Variants in TBXAS1 observed in about 807,000 individuals in gnomAD.
TBXAS1 encodes the protein thromboxane A synthase 1.
Under a neutral mutation model 60.7 loss-of-function variants are expected in TBXAS1, and 48 were observed. That is an observed-to-expected ratio of 0.79 (90% CI 0.63 to 1.01). TBXAS1 has a LOEUF of 1.01. Among genes scored for constraint, TBXAS1 ranks in the 50% least tolerant of loss-of-function variants. The pLI, the probability that TBXAS1 is intolerant of heterozygous loss-of-function variation, is 0.00. For missense variants in TBXAS1, 685 were observed against 686.3 expected (o/e 1.00, Z 0.02); for synonymous variants, 287 against 269.7 (o/e 1.06, Z -0.63).
chr7:139,870,351 T>C (rs1801728449), intron 1 of TBXAS1, among the ~76,000 whole-genome samples: 1 of 152,230 alleles, frequency 6.6e-6, no homozygotes, highest in Non-Finnish European at 1.5e-5. Context: ...AAGGTCTACA[T>C]CTTTTTTTCT....
intron 5 of TBXAS1, among the ~76,000 whole-genome samples, chr7:139,950,730 C>T (rs895898952): frequency 1.0e-3 from 130 of 129,908 alleles, no homozygotes; most frequent in Middle Eastern, 4.7e-3. Flanking sequence ...TCTACGGGAC[C>T]CCCTCGCCCT....
intron 1 of TBXAS1, among the ~76,000 whole-genome samples, chr7:139,849,419 C>G (rs915885449): frequency 2.0e-5 from 3 of 151,644 alleles, no homozygotes; most frequent in African/African-American, 7.3e-5. Flanking sequence ...AACAACCCAC[C>G]AAAAAACAGA....
At chr7:140,016,722 C>T (rs1815105312) in intron 11 of TBXAS1, 1 of 155,702 alleles carries the variant, frequency 6.4e-6, no homozygotes, top group Admixed American at 6.5e-5. Flanking sequence ...AGGCGGCCCA[C>T]ACTCTGGTCC....
Position 140,015,858 on chromosome 7 carries a change from A to C in TBXAS1, c.1362A>C (p.Glu454Asp). Residue 454 changes from glutamate to aspartate, a missense_variant and splice_region_variant, in exon 11 of 13, where the codon GAA (glutamate) becomes GAC (aspartate). Physicochemically the swap from Glu to Asp is conservative, Grantham distance 45. Transcript: ENST00000448866. ...HWPSPETFNP[E>D]RFTAEARQQH... ...CAAGCCCGGAGACCTTCAACCCTGA[A>C]AGGTGAGTACTGCCCCTTTTAAAAA... The C allele has an allele frequency of 6.2e-7, 1 of 1,613,858 alleles. No homozygotes were observed. The highest frequency in any genetic ancestry group is 8.5e-7 in the Non-Finnish European group (1 of 1,180,028).
At chr7:139,801,252 A>G (rs192260272) in intron 4 of TBXAS1, among the ~76,000 whole-genome samples, 113 of 152,308 alleles carry the variant, frequency 7.4e-4, no homozygotes, top group African/African-American at 2.4e-3. Context: ...TTTCACTACA[A>G]TATGTCTAAA....
At chr7:139,781,528 C>T (rs1029783260) in intron 2 of TBXAS1, among the ~76,000 whole-genome samples, 7 of 152,240 alleles carry the variant, frequency 4.6e-5, no homozygotes, top group South Asian at 4.2e-4. Context: ...GAGAGGCCCA[C>T]GTCAGATGAA....
At chr7:139,851,048 G>A (rs187264980) in intron 1 of TBXAS1, among the ~76,000 whole-genome samples, 3 of 152,282 alleles carry the variant, frequency 2.0e-5, no homozygotes, top group Non-Finnish European at 2.9e-5. Context: ...GCTCCCGTTG[G>A]TCTTACTGAG....
At position 139,818,004 on chromosome 7, in the gene TBXAS1, A is replaced by T. The variant is rs1189583328; in HGVS notation, c.-79-11308A>T. 2.0e-5 allele frequency among the ~76,000 whole-genome samples: 3 copies of T among 152,340 alleles called. No homozygotes were observed. In the East Asian group the frequency reaches 5.8e-4, roughly 29 times the overall value. On this transcript the variant is annotated intron_variant, in intron 4 of 16. Coordinates refer to the TBXAS1 transcript ENST00000336425. ...TTCATTTCAGAAACATTTCGTGATC[A>T]CCTACTGAGTGACAAGCAGGCATTC...
At chr7:139,868,623 A>G (rs370259677) in intron 1 of TBXAS1, among the ~76,000 whole-genome samples, 8 of 148,896 alleles carry the variant, frequency 5.4e-5, no homozygotes, top group African/African-American at 2.0e-4. Flanking sequence ...AGCTGGGACT[A>G]TAGGTGTGTG....
chr7:139,874,132 CTCT>C, intron 2 of TBXAS1, among the ~76,000 whole-genome samples: 1 of 152,186 alleles, frequency 6.6e-6, no homozygotes, highest in Non-Finnish European at 1.5e-5. Flanking sequence ...CCTCTCATCT[CTCT>C]CTCTGGGGTG....
chr7:139,789,481 A>G (rs1279130603), intron 4 of TBXAS1: 3 of 152,110 alleles, frequency 2.0e-5, no homozygotes, highest in African/African-American at 7.2e-5. Flanking sequence ...TCCTGGGCTC[A>G]AGCAATCCTC....
At chr7:139,945,738 G>T (rs1408364887) in intron 5 of TBXAS1, among the ~76,000 whole-genome samples, 5 of 152,164 alleles carry the variant, frequency 3.3e-5, no homozygotes, top group African/African-American at 9.7e-5. Flanking sequence ...TTAGCTCATT[G>T]TTTCTGTGGG....
rs745695902 is a variant in TBXAS1 at position 139,928,125 on chromosome 7, T to C, written c.334-8066T>C. 5.3e-5 allele frequency among the ~76,000 whole-genome samples: 8 copies of C among 152,328 alleles called. No individual in the cohort carries two copies. In the Middle Eastern group the frequency reaches 0.01, roughly 194 times the overall value. On this transcript the variant is annotated intron_variant, in intron 4 of 12. Transcript: ENST00000448866. The stretch of plus-strand genomic sequence containing the variant: ...TTTAATATAATGTTAACTGCAGGTG[T>C]TTTTGTAAATGTCATTTTTAGGTGA...
At chr7:139,898,767 G>A (rs1804325073) in intron 3 of TBXAS1, among the ~76,000 whole-genome samples, 1 of 152,178 alleles carries the variant, frequency 6.6e-6, no homozygotes, top group African/African-American at 2.4e-5. Context: ...ACCATGACCA[G>A]CATTTTCATT....
intron 4 of TBXAS1, among the ~76,000 whole-genome samples, chr7:139,919,440 A>C (rs1423060444): frequency 1.3e-5 from 2 of 152,250 alleles, no homozygotes; most frequent in Admixed American, 6.5e-5. Context: ...CGCTCTGTTC[A>C]GCTGGCCTCT....
chr7:139,874,722 G>A (rs1350075226), intron 2 of TBXAS1, among the ~76,000 whole-genome samples: 1 of 151,480 alleles, frequency 6.6e-6, no homozygotes, highest in African/African-American at 2.4e-5. Flanking sequence ...AGTATTTTCA[G>A]GTCTAGTCCA....
chr7:139,870,239 T>C (rs1801721684), intron 1 of TBXAS1, among the ~76,000 whole-genome samples: 1 of 152,260 alleles, frequency 6.6e-6, no homozygotes, highest in Non-Finnish European at 1.5e-5. Context: ...AATTAGGGCA[T>C]GGACTTGCAT....
intron 1 of TBXAS1, among the ~76,000 whole-genome samples, chr7:139,848,285 G>A (rs1449916671): frequency 5.3e-5 from 8 of 152,148 alleles, no homozygotes; most frequent in South Asian, 2.1e-4. Context: ...ATGCCTGGCC[G>A]CTTTGCAACA....
At chr7:139,909,039 C>G (rs1386133473) in intron 3 of TBXAS1, among the ~76,000 whole-genome samples, 2 of 152,100 alleles carry the variant, frequency 1.3e-5, no homozygotes, top group Non-Finnish European at 2.9e-5. Context: ...ACCTGCTGTC[C>G]TTTGAACTGG....
Sources: allele counts gnomAD v4.1 joint callset (sites outside exome capture counted in the v4.1 genomes callset), GRCh38; gene constraint gnomAD v4.1.1; transcripts MANE v1.5; gene names NCBI Gene and HGNC (gene_info 2026-07-23, HGNC 2026-07-21).